The following PCDH9 variants were observed in gnomAD, a reference collection of about 807,000 sequenced individuals.
PCDH9 encodes protocadherin-9.
In PCDH9, 24 loss-of-function variants were observed where a neutral mutation model predicts 70.6. The ratio of observed to expected loss-of-function variants is 0.34; its 90% CI spans 0.25 to 0.48. The LOEUF is 0.48. PCDH9 is among the 20% of genes least tolerant of loss of function. The pLI, the probability that PCDH9 is intolerant of heterozygous loss-of-function variation, is 0.99. For missense variants in PCDH9, 1,281 were observed against 1,503.6 expected, an observed-to-expected ratio of 0.85 and a Z score of 2.45; for synonymous variants, 562 against 558.5, an observed-to-expected ratio of 1.01 and a Z score of -0.09.
chr13:66,871,023 T>A (rs959369012), intron 3 of PCDH9, among the ~76,000 whole-genome samples: 1 of 151,972 alleles, frequency 6.6e-6, no homozygotes, highest in Non-Finnish European at 1.5e-5. Context: ...ATTAAGAAAA[T>A]GTGGCACATA....
At chr13:66,645,175 A>G (rs2077755406) in intron 3 of PCDH9, among the ~76,000 whole-genome samples, 1 of 152,094 alleles carries the variant, frequency 6.6e-6, no homozygotes, top group African/African-American at 2.4e-5. Flanking sequence ...GTGATAACCA[A>G]TCAAACGCAG....
At chr13:66,812,290 A>G (rs553544625) in intron 3 of PCDH9, among the ~76,000 whole-genome samples, 1 of 152,330 alleles carries the variant, frequency 6.6e-6, no homozygotes, top group African/African-American at 2.4e-5. Flanking sequence ...TAACATTACC[A>G]TACAATAAAT....
At chr13:67,002,005 G>T (rs1004901724) in intron 2 of PCDH9, 1 of 152,106 alleles carries the variant, frequency 6.6e-6, no homozygotes, top group African/African-American at 2.4e-5. Context: ...ATAGTACCAA[G>T]AAATGTGCTC....
chr13:66,657,860 C>T (rs903810070), intron 3 of PCDH9, among the ~76,000 whole-genome samples: 1 of 152,174 alleles, frequency 6.6e-6, no homozygotes, highest in Non-Finnish European at 1.5e-5. Context: ...TCAAAGAAAT[C>T]TACAGTCCAA....
chr13:66,777,466 C>T (rs887472182), intron 3 of PCDH9, among the ~76,000 whole-genome samples: 32 of 152,190 alleles, frequency 2.1e-4, no homozygotes, highest in Admixed American at 1.6e-3. Context: ...AAAAAGTGGG[C>T]AAAGGACATG....
chr13:66,472,230 A>AAAAAG (rs1958634034), intron 4 of PCDH9, among the ~76,000 whole-genome samples: 1 of 151,240 alleles, frequency 6.6e-6, no homozygotes, highest in South Asian at 2.1e-4. Context: ...AAAAAAAAGA[A>AAAAAG]AAAAGAAAAG....
At chr13:66,735,384 G>C (rs913003822) in intron 3 of PCDH9, among the ~76,000 whole-genome samples, 1 of 152,096 alleles carries the variant, frequency 6.6e-6, no homozygotes, top group Non-Finnish European at 1.5e-5. Context: ...ACAAACTAAA[G>C]ATTGGGTACA....
At chr13:66,433,724 A>G (rs1957816349) in intron 4 of PCDH9, among the ~76,000 whole-genome samples, 1 of 151,810 alleles carries the variant, frequency 6.6e-6, no homozygotes, top group South Asian at 2.1e-4. Context: ...CAGCTTAAAC[A>G]TTGGTCCTAT....
chr13:66,509,388 T>TAG (rs1398541919), intron 4 of PCDH9, among the ~76,000 whole-genome samples: 1 of 152,104 alleles, frequency 6.6e-6, no homozygotes, highest in African/African-American at 2.4e-5. Flanking sequence ...CCTAACTTCT[T>TAG]AGATGGGTGG....
At chr13:66,348,882 A>G (rs751623593) in intron 4 of PCDH9, among the ~76,000 whole-genome samples, 1 of 152,088 alleles carries the variant, frequency 6.6e-6, no homozygotes, top group Non-Finnish European at 1.5e-5. Flanking sequence ...TCCTCTGTAT[A>G]ATACTCATAC....
chr13:66,387,901 T>C (rs899891912), intron 4 of PCDH9, among the ~76,000 whole-genome samples: 2 of 152,174 alleles, frequency 1.3e-5, no homozygotes, highest in African/African-American at 4.8e-5. Flanking sequence ...TGGTGCATGG[T>C]TGCATGATTA....
At chr13:66,682,272 A>G (rs569273689) in intron 3 of PCDH9, among the ~76,000 whole-genome samples, 2 of 152,160 alleles carry the variant, frequency 1.3e-5, no homozygotes, top group African/African-American at 4.8e-5. Flanking sequence ...ATTATAACAC[A>G]TAAAATTTTT....
At chr13:66,773,221 C>A (rs2079836193) in intron 3 of PCDH9, among the ~76,000 whole-genome samples, 1 of 152,166 alleles carries the variant, frequency 6.6e-6, no homozygotes. Flanking sequence ...AAGAAATGTT[C>A]AATGGCTGGA....
chr13:66,606,586 C>G (rs2077225316), intron 4 of PCDH9, among the ~76,000 whole-genome samples: 1 of 152,090 alleles, frequency 6.6e-6, no homozygotes, highest in African/African-American at 2.4e-5. Context: ...TTCCACTAGG[C>G]ATATTGTTGC....
At chr13:66,608,352 T>C (rs2077248157) in intron 4 of PCDH9, among the ~76,000 whole-genome samples, 1 of 152,096 alleles carries the variant, frequency 6.6e-6, no homozygotes, top group Non-Finnish European at 1.5e-5. Flanking sequence ...TTCAAGGAGA[T>C]TATACTGATT....
At chr13:66,953,793 C>T (rs1269468266) in intron 2 of PCDH9, among the ~76,000 whole-genome samples, 8 of 152,108 alleles carry the variant, frequency 5.3e-5, no homozygotes, top group Admixed American at 3.9e-4. Context: ...TGTATTTTCT[C>T]CTCAGGTTCA....
rs1341691667 is a variant in PCDH9 at position 66,304,219 on chromosome 13, A to C, written c.*436T>G. ...GCTTATCTCTTTAAGTTTTGTTTGC[A>C]GTATAATGTCAAGTATAGCAGTCCC... On this transcript the variant is annotated 3_prime_UTR_variant, in exon 5 of 5. Coordinates refer to ENST00000377865, the MANE Select transcript of PCDH9 (RefSeq NM_203487.3). The C allele has an allele frequency of 7.0e-6, 1 of 142,324 alleles. No homozygotes were observed. The highest frequency in any genetic ancestry group is 1.5e-5 in the Non-Finnish European group (1 of 67,588). The allele number at this position is 142,324 out of a possible 1,614,324, so 8.8% of individuals were successfully genotyped here. A position where few individuals can be genotyped will look rare whatever the true frequency, so the allele number is the denominator to read the frequency against.
At chr13:66,568,549 G>A (rs1200594892) in intron 4 of PCDH9, among the ~76,000 whole-genome samples, 4 of 149,302 alleles carry the variant, frequency 2.7e-5, no homozygotes, top group Admixed American at 6.7e-5. Context: ...GTAGCTAGAT[G>A]TGGTCCCATC....
rs543965516 is a variant in PCDH9, at chr13:66,510,879, T to C, written c.3340+120331A>G. Among the ~76,000 whole-genome samples the C allele has an allele frequency of 9.2e-5, 14 of 152,292 alleles. 1 individual carries two copies. The highest frequency in any genetic ancestry group is 9.2e-4 in the Admixed American group (14 of 15,284). ...TTTACAGAGTAGCTACGTTTGAATA[T>C]ATATGCAACATTAGACCTTTTGGAT... On this transcript the variant is annotated intron_variant, in intron 4 of 4. Coordinates refer to ENST00000377865, the MANE Select transcript of PCDH9 (RefSeq NM_203487.3).
Sources: gnomAD v4.1 joint callset for allele counts (sites outside exome capture counted in the v4.1 genomes callset) on GRCh38, gnomAD v4.1.1 for gene constraint, MANE v1.5 for transcripts, NCBI Gene and HGNC (gene_info 2026-07-23, HGNC 2026-07-21) for gene names.